IL1RAPL2: variants seen among roughly 807,000 people sequenced by gnomAD.
The protein encoded by IL1RAPL2 is X-linked interleukin-1 receptor accessory protein-like 2.
Under a neutral mutation model 44.1 loss-of-function variants are expected in IL1RAPL2, and 3 were observed. That is an observed-to-expected ratio of 0.07 (90% CI 0.03 to 0.18). The LOEUF (loss-of-function observed/expected upper bound fraction) is 0.18. IL1RAPL2 is among the 10% of genes least tolerant of loss of function. The pLI is 1.00. For missense variants in IL1RAPL2, 391 were observed against 496.4 expected (o/e 0.79, Z 2.02); for synonymous variants, 181 against 178.8 (o/e 1.01, Z -0.10).
intron 2 of IL1RAPL2, among the ~76,000 whole-genome samples, chrX:104,847,655 A>G (rs1359093005): frequency 8.9e-6 from 1 of 111,898 alleles, no homozygotes; most frequent in Non-Finnish European, 1.9e-5. Context: ...CTTTTGGCTT[A>G]GGATTGTCTT....
chrX:105,561,571 G>A (rs1219402242), intron 6 of IL1RAPL2, among the ~76,000 whole-genome samples: 1 of 111,370 alleles, frequency 9.0e-6, no homozygotes, highest in Non-Finnish European at 1.9e-5. Context: ...CAGCACAGAG[G>A]AATCAATATT....
chrX:105,017,411 TC>T (rs1371814449), intron 2 of IL1RAPL2, among the ~76,000 whole-genome samples: 1 of 111,428 alleles, frequency 9.0e-6, no homozygotes, highest in Non-Finnish European at 1.9e-5. Flanking sequence ...AAATTTGAAC[TC>T]GGAGATTTTA....
At chrX:104,717,138 C>T (rs1323285025) in intron 2 of IL1RAPL2, among the ~76,000 whole-genome samples, 1 of 111,571 alleles carries the variant, frequency 9.0e-6, no homozygotes, top group Non-Finnish European at 1.9e-5. Flanking sequence ...CAGCTGAAGG[C>T]CATTATCCTT....
Position 104,594,609 on chromosome X carries a change from C to G in IL1RAPL2, c.-20+27558C>G, listed in dbSNP as rs759623154. Among the ~76,000 whole-genome samples the G allele has an allele frequency of 4.5e-5, 5 of 111,758 alleles. No homozygotes were observed. In the East Asian group the frequency reaches 1.4e-3, roughly 31 times the overall value. ...CTTTTAGAACTTACAGTCTATTGAG[C>G]AAGACAAGCAATGAACAAGTAAATA... is the stretch of plus-strand genomic sequence containing the variant. On this transcript the variant is annotated intron_variant, in intron 1 of 10. Coordinates refer to ENST00000372582, the MANE Select transcript of IL1RAPL2 (RefSeq NM_017416.2).
At chrX:104,754,516 A>T (rs778578466) in intron 2 of IL1RAPL2, among the ~76,000 whole-genome samples, 1 of 111,546 alleles carries the variant, frequency 9.0e-6, no homozygotes, top group African/African-American at 3.2e-5. Flanking sequence ...GGAGATAGGG[A>T]TTAGAGGCAG....
At chrX:105,006,276 A>C (rs1287033275) in intron 2 of IL1RAPL2, among the ~76,000 whole-genome samples, 1 of 110,263 alleles carries the variant, frequency 9.1e-6, no homozygotes, top group Non-Finnish European at 1.9e-5. Flanking sequence ...AGGAGGGGGA[A>C]AGCAAATGGG....
At chrX:105,646,715 G>T (rs1167584104) in intron 6 of IL1RAPL2, among the ~76,000 whole-genome samples, 1 of 111,994 alleles carries the variant, frequency 8.9e-6, no homozygotes, top group East Asian at 2.8e-4. Flanking sequence ...ATATCCCCAT[G>T]ACAGCAATGA....
chrX:105,559,920 T>C (rs1210786821), intron 6 of IL1RAPL2, among the ~76,000 whole-genome samples: 1 of 111,683 alleles, frequency 9.0e-6, no homozygotes, highest in Admixed American at 9.6e-5. Context: ...ATTGCTCTTG[T>C]AAAAATAGCT....
intron 2 of IL1RAPL2, among the ~76,000 whole-genome samples, chrX:105,094,686 A>G (rs2147556685): frequency 9.0e-6 from 1 of 110,764 alleles, no homozygotes; most frequent in African/African-American, 3.3e-5. Flanking sequence ...TTCCACATGA[A>G]TTTTAAAATT....
rs371120487 is a variant in IL1RAPL2 at position 104,696,771 on chromosome X, A to G, written c.82+37776A>G. ...TCACATAAGAGTTCCTGACTAAGTG[A>G]GGTATGTAGGCAAGCAGTACCAGAA... On this transcript the variant is annotated intron_variant, in intron 2 of 10. Transcript: ENST00000372582. 7.2e-5 allele frequency among the ~76,000 whole-genome samples: 8 copies of G among 111,771 alleles called. No homozygotes were observed. In the East Asian group the frequency reaches 2.3e-3, roughly 32 times the overall value.
chrX:105,053,523 GC>G (rs1282188198), intron 2 of IL1RAPL2, among the ~76,000 whole-genome samples: 2 of 111,111 alleles, frequency 1.8e-5, no homozygotes, highest in African/African-American at 6.6e-5. Flanking sequence ...AATCCTTATA[GC>G]TAGTAAGTGA....
At chrX:105,683,574 C>T (rs1209910595) in intron 6 of IL1RAPL2, among the ~76,000 whole-genome samples, 1 of 109,790 alleles carries the variant, frequency 9.1e-6, no homozygotes, top group Non-Finnish European at 1.9e-5. Flanking sequence ...ATGTGGTCCT[C>T]AATAAGCTTT....
intron 2 of IL1RAPL2, among the ~76,000 whole-genome samples, chrX:104,917,138 G>A (rs1389002287): frequency 8.9e-6 from 1 of 111,757 alleles, no homozygotes; most frequent in Non-Finnish European, 1.9e-5. Flanking sequence ...AGTTTCAGAA[G>A]GAATGGTACC....
chrX:105,629,360 T>G (rs2037476566), intron 6 of IL1RAPL2, among the ~76,000 whole-genome samples: 1 of 111,848 alleles, frequency 8.9e-6, no homozygotes, highest in Admixed American at 9.5e-5. Context: ...CATTTGGTTC[T>G]ATGACAGTTG....
chrX:104,705,291 C>A (rs781090959), intron 2 of IL1RAPL2, among the ~76,000 whole-genome samples: 1 of 111,126 alleles, frequency 9.0e-6, no homozygotes, highest in Non-Finnish European at 1.9e-5. Context: ...AATCTAATAA[C>A]GTGCAACTGT....
chrX:105,193,126 AAAGTG>A (rs1556138264), intron 2 of IL1RAPL2, among the ~76,000 whole-genome samples: 1 of 112,099 alleles, frequency 8.9e-6, no homozygotes, highest in African/African-American at 3.2e-5. Flanking sequence ...TAACATTGTA[AAAGTG>A]TAGAATTATG....
chrX:104,635,163 T>C (rs1225950393), intron 1 of IL1RAPL2, among the ~76,000 whole-genome samples: 1 of 111,789 alleles, frequency 8.9e-6, no homozygotes, highest in Non-Finnish European at 1.9e-5. Context: ...GAATGTTGAA[T>C]ATTGGCCCCC....
intron 2 of IL1RAPL2, among the ~76,000 whole-genome samples, chrX:104,858,999 A>G (rs1010060596): frequency 1.8e-5 from 2 of 111,987 alleles, no homozygotes; most frequent in African/African-American, 6.5e-5. Context: ...ATGGTACTAA[A>G]TTTATACAGA....
At chrX:105,139,237 C>G (rs550432105) in intron 2 of IL1RAPL2, among the ~76,000 whole-genome samples, 26 of 112,041 alleles carry the variant, frequency 2.3e-4, no homozygotes, top group Middle Eastern at 4.6e-3. Context: ...AGGACAAATT[C>G]AAGTGCCAAG....
Sources: allele counts gnomAD v4.1 joint callset (sites outside exome capture counted in the v4.1 genomes callset), GRCh38; gene constraint gnomAD v4.1.1; transcripts MANE v1.5; gene names NCBI Gene and HGNC (gene_info 2026-07-23, HGNC 2026-07-21).